Variants in KLHL13 observed in about 807,000 individuals in gnomAD.
KLHL13 encodes kelch like family member 13.
Under a neutral mutation model 37.1 loss-of-function variants are expected in KLHL13, and 10 were observed. That is an observed-to-expected ratio of 0.27 (90% CI 0.17 to 0.46). The LOEUF (loss-of-function observed/expected upper bound fraction) is 0.46, where lower values mean the gene tolerates loss of function less well. Ranked by LOEUF, KLHL13 falls within the 20% of genes least tolerant of loss-of-function variation. The pLI is 1.00. For missense variants in KLHL13, 360 were observed against 509.3 expected (o/e 0.71, Z 2.82); for synonymous variants, 163 against 181.2 (o/e 0.90, Z 0.81).
intron 1 of KLHL13, among the ~76,000 whole-genome samples, chrX:118,106,176 C>T (rs1050306859): frequency 4.6e-5 from 5 of 108,599 alleles, no homozygotes; most frequent in African/African-American, 1.3e-4. Context: ...GGATTACAGG[C>T]ATGAGCCACC....
At chrX:118,003,350 T>C (rs1271326069) in intron 1 of KLHL13, among the ~76,000 whole-genome samples, 1 of 100,415 alleles carries the variant, frequency 1.0e-5, no homozygotes, top group Non-Finnish European at 1.9e-5. Flanking sequence ...TCCTGTCTCA[T>C]TTTTTTTAAA....
chrX:118,100,732 T>C (rs952542408), intron 1 of KLHL13, among the ~76,000 whole-genome samples: 4 of 111,551 alleles, frequency 3.6e-5, no homozygotes, highest in African/African-American at 1.3e-4. Context: ...CTCTTACTAC[T>C]AAATATCACT....
intron 1 of KLHL13, among the ~76,000 whole-genome samples, chrX:117,970,790 T>C (rs2053510802): frequency 8.9e-6 from 1 of 111,925 alleles, no homozygotes. Context: ...TCTGTGCATA[T>C]TTACTTACTA....
At chrX:118,015,985 A>C in intron 1 of KLHL13, among the ~76,000 whole-genome samples, 1 of 111,794 alleles carries the variant, frequency 8.9e-6, no homozygotes, top group Admixed American at 9.6e-5. Flanking sequence ...AAAACACAGA[A>C]AAGATACCTT....
chrX:117,932,476 T>G (rs1194111584), intron 2 of KLHL13, among the ~76,000 whole-genome samples: 1 of 111,916 alleles, frequency 8.9e-6, no homozygotes, highest in East Asian at 2.8e-4. Context: ...TAACATAATG[T>G]CTTCCAGGTT....
chrX:118,081,984 A>G (rs1176303897), intron 1 of KLHL13, among the ~76,000 whole-genome samples: 2 of 108,214 alleles, frequency 1.8e-5, no homozygotes, highest in Non-Finnish European at 3.9e-5. Flanking sequence ...GTGTATACAT[A>G]TATCAGCTTT....
intron 1 of KLHL13, among the ~76,000 whole-genome samples, chrX:118,089,614 A>AAG (rs766018261): frequency 0.018 from 1,034 of 57,230 alleles, 9 homozygotes; most frequent in Middle Eastern, 0.051. Flanking sequence ...GAGAGAGAGA[A>AAG]AGAAAGAGAA....
chrX:118,097,557 T>C (rs1461509808), intron 1 of KLHL13, among the ~76,000 whole-genome samples: 2 of 111,984 alleles, frequency 1.8e-5, no homozygotes, highest in East Asian at 2.8e-4. Context: ...AATGACTTTC[T>C]TCACAGAATG....
intron 1 of KLHL13, among the ~76,000 whole-genome samples, chrX:118,002,202 A>G (rs2053929630): frequency 8.9e-6 from 1 of 111,764 alleles, no homozygotes; most frequent in Non-Finnish European, 1.9e-5. Flanking sequence ...CTAGATGGGA[A>G]GATGTCATTT....
At position 118,070,155 on chromosome X, in the gene KLHL13, C is replaced by T. The variant is rs6646064; in HGVS notation, c.-56+46353G>A. Among the ~76,000 whole-genome samples, 1,097 of 111,977 alleles carry T rather than the reference C, an allele frequency of 9.8e-3. 13 individuals carry two copies. The highest frequency in any genetic ancestry group is 0.032 in the African/African-American group (978 of 30,871). On this transcript the variant is annotated intron_variant, in intron 1 of 6. Coordinates refer to the KLHL13 transcript ENST00000371882. Reference sequence around the variant, plus strand: ...CACATACGTTTGTGTAAGTACACTCCATGATATTCACACAATGACAAAATT... The same window carrying T: ...CACATACGTTTGTGTAAGTACACTCTATGATATTCACACAATGACAAAATT...
intron 1 of KLHL13, among the ~76,000 whole-genome samples, chrX:117,956,338 G>T (rs2053205125): frequency 9.0e-6 from 1 of 111,609 alleles, no homozygotes; most frequent in African/African-American, 3.2e-5. Flanking sequence ...AATCATCAAG[G>T]AATTTGTCTC....
intron 1 of KLHL13, among the ~76,000 whole-genome samples, chrX:118,065,147 T>G (rs1222984190): frequency 9.8e-5 from 11 of 111,761 alleles, no homozygotes; most frequent in Non-Finnish European, 1.5e-4. Context: ...TTATATAAGC[T>G]TAATTATTTT....
exon 7 of KLHL13, chrX:117,899,229 A>G (rs1228509802): frequency 2.5e-6 from 3 of 1,209,577 alleles, no homozygotes; most frequent in Non-Finnish European, 3.4e-6. Flanking sequence ...CATCATAATC[A>G]CTTGTTCCTC....
intron 1 of KLHL13, among the ~76,000 whole-genome samples, chrX:118,051,102 A>G (rs1447534450): frequency 9.0e-6 from 1 of 111,119 alleles, no homozygotes. Flanking sequence ...TGTCAGGTCC[A>G]TGAAAACAAG....
At chrX:118,110,732 A>G (rs2055401847) in intron 1 of KLHL13, among the ~76,000 whole-genome samples, 1 of 111,797 alleles carries the variant, frequency 8.9e-6, no homozygotes, top group African/African-American at 3.3e-5. Flanking sequence ...TAAATGTTCA[A>G]CAACTGCAAA....
At chrX:118,099,906 A>AAAGGAAGGAAGGAAG (rs2055266793) in intron 1 of KLHL13, among the ~76,000 whole-genome samples, 1 of 91,247 alleles carries the variant, frequency 1.1e-5, no homozygotes, top group African/African-American at 6.7e-5. Context: ...AAGGAAGGAA[A>AAAGGAAGGAAGGAAG]GAAGGAAGGA....
chrX:117,920,504 G>A, intron 2 of KLHL13, 134 bp from the exon 4 acceptor site: 1 of 621,997 alleles, frequency 1.6e-6, no homozygotes. Flanking sequence ...TTCGGGAGAA[G>A]AAAAAATAAC....
intron 1 of KLHL13, among the ~76,000 whole-genome samples, chrX:118,010,618 A>G: frequency 1.3e-5 from 1 of 79,216 alleles, no homozygotes; most frequent in Admixed American, 1.4e-4. Context: ...GAGGGATAGC[A>G]TTGGGAGATA....
chrX:117,919,240 T>A (rs1931555592), intron 4 of KLHL13, among the ~76,000 whole-genome samples: 1 of 112,217 alleles, frequency 8.9e-6, no homozygotes, highest in Non-Finnish European at 1.9e-5. Flanking sequence ...GTCAGGCTGG[T>A]CTTGAACTCC....
Sources: gnomAD v4.1 joint callset for allele counts (sites outside exome capture counted in the v4.1 genomes callset) on GRCh38, gnomAD v4.1.1 for gene constraint, MANE v1.5 for transcripts, NCBI Gene and HGNC (gene_info 2026-07-23, HGNC 2026-07-21) for gene names.